Variants in KCND2 observed in about 807,000 individuals in gnomAD.
KCND2 encodes the protein potassium voltage-gated channel subfamily D member 2, also known as A-type voltage-gated potassium channel KCND2.
A neutral mutation model predicts 54.4 loss-of-function variants in KCND2; 16 were observed. That is an observed-to-expected ratio of 0.29 (90% CI 0.20 to 0.45). The LOEUF (loss-of-function observed/expected upper bound fraction) is 0.45. Ranked by LOEUF, KCND2 falls within the 20% of genes least tolerant of loss-of-function variation. The pLI, the probability that KCND2 is intolerant of heterozygous loss-of-function variation, is 1.00. For synonymous variants in KCND2, 317 were observed against 310.7 expected, an observed-to-expected ratio of 1.02 and a Z score of -0.21; for missense variants, 486 against 824.2, an observed-to-expected ratio of 0.59 and a Z score of 5.02.
chr7:120,405,571 A>T (rs1362964510), intron 1 of KCND2, among the ~76,000 whole-genome samples: 1 of 152,172 alleles, frequency 6.6e-6, no homozygotes, highest in Non-Finnish European at 1.5e-5. Flanking sequence ...ATATTTCCAT[A>T]AATGTTTCAA....
chr7:120,684,581 A>T (rs1345454163), intron 1 of KCND2, among the ~76,000 whole-genome samples: 2 of 152,060 alleles, frequency 1.3e-5, no homozygotes, highest in African/African-American at 2.4e-5. Flanking sequence ...CATTTGGTAG[A>T]CCTTGGGGTA....
chr7:120,642,396 T>TA (rs35453111), intron 1 of KCND2, among the ~76,000 whole-genome samples: 14,868 of 99,606 alleles, frequency 0.15, 1,122 homozygotes, highest in Non-Finnish European at 0.2. Flanking sequence ...CCTTCTCTAC[T>TA]AAAAAAAAAA....
chr7:120,664,699 CAG>C (rs1442766749), intron 1 of KCND2, among the ~76,000 whole-genome samples: 2 of 152,102 alleles, frequency 1.3e-5, no homozygotes, highest in Non-Finnish European at 2.9e-5. Context: ...GGCGAGAAAA[CAG>C]AATTTATGAA....
intron 1 of KCND2, among the ~76,000 whole-genome samples, chr7:120,366,707 G>A (rs776965027): frequency 3.9e-5 from 6 of 152,022 alleles, no homozygotes; most frequent in Non-Finnish European, 8.8e-5. Flanking sequence ...GTCCTAAAAA[G>A]CAGCACACCA....
chr7:120,726,159 G>A (rs538646974), intron 1 of KCND2, among the ~76,000 whole-genome samples: 28 of 152,224 alleles, frequency 1.8e-4, no homozygotes, highest in African/African-American at 6.3e-4. Flanking sequence ...GGCTTTGATC[G>A]TATAGTAATT....
chr7:120,275,088 G>A lies in KCND2; in HGVS notation c.456G>A (p.Ala152=), dbSNP rs116322872. Reference sequence around the variant, plus strand: ...ACGCCGAGCGCCTGCAGGACGACGCGGATACCGACACCGCTGGGGAGAGCG... The same window carrying A: ...ACGCCGAGCGCCTGCAGGACGACGCAGATACCGACACCGCTGGGGAGAGCG... ...RENAERLQDD[A]DTDTAGESAL... Residue 152 remains alanine (A), a synonymous_variant, in exon 1 of 6, where the codon GCG becomes GCA. Transcript: ENST00000331113. The A allele has an allele frequency of 1.2e-3, 1,960 of 1,613,810 alleles. 20 individuals carry two copies. The African/African-American group carries it at 0.022, about 18-fold the overall frequency.
intron 1 of KCND2, among the ~76,000 whole-genome samples, chr7:120,543,504 GAAGTC>G (rs1792007520): frequency 6.6e-6 from 1 of 152,074 alleles, no homozygotes; most frequent in Non-Finnish European, 1.5e-5. Flanking sequence ...GAATTCCTGA[GAAGTC>G]AAGTAGCTTG....
At chr7:120,480,994 A>G (rs1270149635) in intron 1 of KCND2, among the ~76,000 whole-genome samples, 1 of 152,216 alleles carries the variant, frequency 6.6e-6, no homozygotes, top group Non-Finnish European at 1.5e-5. Context: ...TCTGTTGAGT[A>G]TTCAAAAGAA....
chr7:120,283,765 C>G (rs561135294), intron 1 of KCND2, among the ~76,000 whole-genome samples: 1 of 152,198 alleles, frequency 6.6e-6, no homozygotes, highest in East Asian at 1.9e-4. Context: ...ATTTTGAATT[C>G]TAGTTAAAGG....
chr7:120,609,116 AT>A lies in KCND2; in HGVS notation c.1116-123777del, dbSNP rs796627513. Among the ~76,000 whole-genome samples the A allele has an allele frequency of 4.1e-3, 612 of 149,942 alleles. 3 individuals carry two copies. The highest frequency in any genetic ancestry group is 0.013 in the African/African-American group (534 of 40,960). ...GTGCAAAACTGTTCATAATGTTCTGATTTTTTTTTTCTGTACAGTTAAGAAT... is the reference window on the plus strand; with the variant it reads ...GTGCAAAACTGTTCATAATGTTCTGATTTTTTTTTCTGTACAGTTAAGAAT... On this transcript the variant is annotated intron_variant, in intron 1 of 5. Transcript: ENST00000331113.
At chr7:120,380,159 CAAAGA>C (rs1800895793) in intron 1 of KCND2, among the ~76,000 whole-genome samples, 1 of 151,956 alleles carries the variant, frequency 6.6e-6, no homozygotes, top group Non-Finnish European at 1.5e-5. Context: ...AGCTACTGCA[CAAAGA>C]AGAGAACACT....
At chr7:120,333,895 A>G (rs1390232406) in intron 1 of KCND2, among the ~76,000 whole-genome samples, 1 of 152,148 alleles carries the variant, frequency 6.6e-6, no homozygotes, top group African/African-American at 2.4e-5. Context: ...TCGGCACTTT[A>G]GATCTTAACA....
intron 1 of KCND2, among the ~76,000 whole-genome samples, chr7:120,423,028 T>C (rs1801649157): frequency 6.6e-6 from 1 of 152,216 alleles, no homozygotes; most frequent in Admixed American, 6.5e-5. Context: ...AATATGGGAC[T>C]TCTCTCAGCA....
chr7:120,556,583 G>T (rs1247889314), intron 1 of KCND2, among the ~76,000 whole-genome samples: 1 of 152,094 alleles, frequency 6.6e-6, no homozygotes, highest in Non-Finnish European at 1.5e-5. Flanking sequence ...TTTCTGGCAG[G>T]TTCTTTTAAG....
At chr7:120,471,932 A>G (rs1802459807) in intron 1 of KCND2, among the ~76,000 whole-genome samples, 1 of 151,972 alleles carries the variant, frequency 6.6e-6, no homozygotes, top group South Asian at 2.1e-4. Flanking sequence ...AAAACCTCAA[A>G]GAACAACTAG....
At chr7:120,604,200 C>T (rs1792849308) in intron 1 of KCND2, among the ~76,000 whole-genome samples, 2 of 151,868 alleles carry the variant, frequency 1.3e-5, no homozygotes, top group South Asian at 4.1e-4. Context: ...GGCCTTTTTG[C>T]TTTCATAATT....
chr7:120,440,808 C>T (rs1249110242), intron 1 of KCND2, among the ~76,000 whole-genome samples: 1 of 152,010 alleles, frequency 6.6e-6, no homozygotes, highest in Non-Finnish European at 1.5e-5. Flanking sequence ...TGTCTCTTCT[C>T]TGAAGATATC....
intron 1 of KCND2, among the ~76,000 whole-genome samples, chr7:120,413,971 G>A (rs1201975878): frequency 1.3e-5 from 2 of 148,960 alleles, no homozygotes; most frequent in Non-Finnish European, 3.0e-5. Context: ...TTCAGAACAT[G>A]TACAATAAGT....
chr7:120,316,115 A>AAAAACT (rs376329744), intron 1 of KCND2, among the ~76,000 whole-genome samples: 2 of 152,224 alleles, frequency 1.3e-5, no homozygotes, highest in African/African-American at 2.4e-5. Context: ...ATAGATCATA[A>AAAAACT]AAAACTAAAA....
Sources: allele counts gnomAD v4.1 joint callset (sites outside exome capture counted in the v4.1 genomes callset), GRCh38; gene constraint gnomAD v4.1.1; transcripts MANE v1.5; gene names NCBI Gene and HGNC (gene_info 2026-07-23, HGNC 2026-07-21).